Variants in SPECC1 observed in about 807,000 individuals in gnomAD.
The protein encoded by SPECC1 is sperm antigen with calponin homology and coiled-coil domains 1.
SPECC1 carries 62 observed loss-of-function variants against 104.1 expected under a neutral mutation model. The observed-to-expected ratio is 0.60, with a 90% confidence interval of 0.49 to 0.74. The LOEUF is 0.74. Among genes scored for constraint, SPECC1 ranks in the 30% least tolerant of loss-of-function variants. The pLI is 0.00. For missense variants in SPECC1, 1,306 were observed against 1,310.5 expected (o/e 1.00, Z 0.05); for synonymous variants, 513 against 501.6 (o/e 1.02, Z -0.30).
intron 10 of SPECC1, among the ~76,000 whole-genome samples, chr17:20,256,936 A>G (rs1165770125): frequency 6.6e-6 from 1 of 152,216 alleles, no homozygotes; most frequent in Non-Finnish European, 1.5e-5. Context: ...GACAGCAGAA[A>G]GGAGCCTTGA....
At chr17:20,064,405 G>A (rs188355828) in intron 1 of SPECC1, among the ~76,000 whole-genome samples, 88 of 152,322 alleles carry the variant, frequency 5.8e-4, no homozygotes, top group African/African-American at 2.0e-3. Context: ...GGAATCAAAA[G>A]GGTAACTGCT....
intron 12 of SPECC1, among the ~76,000 whole-genome samples, chr17:20,288,904 C>A (rs1160738285): frequency 6.6e-6 from 1 of 151,732 alleles, no homozygotes; most frequent in Non-Finnish European, 1.5e-5. Flanking sequence ...CCTGCCTCAG[C>A]CTCCTGAGTA....
chr17:20,070,208 G>A (rs908372952), intron 1 of SPECC1, among the ~76,000 whole-genome samples: 6 of 152,172 alleles, frequency 3.9e-5, no homozygotes, highest in Admixed American at 2.6e-4. Context: ...TTAGGAGAAA[G>A]CTATCAGATT....
At chr17:20,304,803 G>C (rs1277972231) in intron 13 of SPECC1, among the ~76,000 whole-genome samples, 1 of 152,126 alleles carries the variant, frequency 6.6e-6, no homozygotes. Context: ...ATGAGAAACT[G>C]TGCGAGGAAG....
intron 10 of SPECC1, among the ~76,000 whole-genome samples, chr17:20,257,168 G>C (rs2039863208): frequency 6.6e-6 from 1 of 152,156 alleles, no homozygotes; most frequent in African/African-American, 2.4e-5. Flanking sequence ...ACTTGCACAA[G>C]GCCCTTAGAA....
At chr17:20,028,977 A>T (rs547824674) in intron 1 of SPECC1, among the ~76,000 whole-genome samples, 1 of 152,186 alleles carries the variant, frequency 6.6e-6, no homozygotes, top group African/African-American at 2.4e-5. Context: ...GGTCAGGCTG[A>T]TCTCGAGCTC....
At chr17:20,163,456 CAAAA>C (rs548009339) in intron 3 of SPECC1, among the ~76,000 whole-genome samples, 50 of 151,690 alleles carry the variant, frequency 3.3e-4, no homozygotes, top group African/African-American at 1.2e-3. Flanking sequence ...TAAAGTCTGA[CAAAA>C]AAATCCAGTT....
At chr17:20,180,215 A>G (rs1419283240) in intron 3 of SPECC1, among the ~76,000 whole-genome samples, 1 of 152,226 alleles carries the variant, frequency 6.6e-6, no homozygotes, top group African/African-American at 2.4e-5. Flanking sequence ...AAAAGCGAGG[A>G]GAGGAAAAAG....
chr17:20,098,409 T>TG (rs2047756438), intron 2 of SPECC1, among the ~76,000 whole-genome samples: 1 of 152,190 alleles, frequency 6.6e-6, no homozygotes, highest in African/African-American at 2.4e-5. Context: ...CCCCCACCCT[T>TG]CTGTGCCCTA....
chr17:20,198,722 G>T (rs1013892645), intron 3 of SPECC1, among the ~76,000 whole-genome samples: 1 of 152,116 alleles, frequency 6.6e-6, no homozygotes, highest in African/African-American at 2.4e-5. Context: ...ATTAAGAGGG[G>T]CACTTTGTCC....
chr17:20,069,100 G>T lies in SPECC1; in HGVS notation c.-21-27531G>T, dbSNP rs922220042. Among the ~76,000 whole-genome samples the T allele has an allele frequency of 1.9e-4, 29 of 152,236 alleles. No homozygotes were observed. The East Asian group carries it at 2.9e-3, about 15-fold the overall frequency. On this transcript the variant is annotated intron_variant, in intron 1 of 14. Transcript: ENST00000395527. ...CCAGTACCCAACAGTTACCTTTTCT[G>T]CTCCCTCCTCCAAGCCTCCACCCTC...
intron 3 of SPECC1, among the ~76,000 whole-genome samples, chr17:20,133,292 C>T (rs1038412408): frequency 2.0e-5 from 3 of 151,868 alleles, no homozygotes; most frequent in African/African-American, 7.3e-5. Context: ...CAGAGCTAGT[C>T]TTACCCATCT....
At chr17:20,084,869 C>T (rs1411030289) in intron 1 of SPECC1, among the ~76,000 whole-genome samples, 4 of 149,750 alleles carry the variant, frequency 2.7e-5, no homozygotes, top group African/African-American at 9.9e-5. Flanking sequence ...ACCATCTGGG[C>T]AAGGGAGGTG....
intron 3 of SPECC1, among the ~76,000 whole-genome samples, chr17:20,123,319 A>G (rs1261224682): frequency 6.6e-6 from 1 of 152,262 alleles, no homozygotes; most frequent in Admixed American, 6.5e-5. Context: ...GTGAAGGGCT[A>G]GTTTTACTGT....
chr17:20,306,270 C>A (rs556888197), intron 14 of SPECC1, 188 bp downstream of exon 14: 3 of 521,060 alleles, frequency 5.8e-6, no homozygotes, highest in Non-Finnish European at 1.0e-5. Context: ...GATTTTCAAT[C>A]GCATAAGATT....
intron 7 of SPECC1, chr17:20,238,501 G>A (rs2039042031): frequency 5.8e-6 from 6 of 1,041,886 alleles, no homozygotes; most frequent in Non-Finnish European, 4.6e-6. Context: ...AAAAGTTACT[G>A]TCTAATAAAA....
Position 20,292,867 on chromosome 17 carries a change from G to A in SPECC1, c.2941-4094G>A, listed in dbSNP as rs559579325. ...GATGAAGAGACGTTATTATGGTTGT[G>A]TGTTGCTTTCAGCTAGATACTCCTC... On this transcript the variant is annotated intron_variant, in intron 12 of 14. Coordinates refer to ENST00000395527, the MANE Select transcript of SPECC1 (RefSeq NM_001243439.2). Among the ~76,000 whole-genome samples the A allele has an allele frequency of 2.6e-5, 4 of 152,338 alleles. No homozygotes were observed. In the East Asian group the frequency reaches 5.8e-4, roughly 22 times the overall value.
intron 3 of SPECC1, among the ~76,000 whole-genome samples, chr17:20,161,754 A>G (rs1477495485): frequency 2.0e-5 from 3 of 150,022 alleles, no homozygotes; most frequent in African/African-American, 7.3e-5. Flanking sequence ...ACAAGAAGCT[A>G]GTCTGCCTTT....
At chr17:20,272,414 T>G (rs2040439422) in intron 12 of SPECC1, among the ~76,000 whole-genome samples, 1 of 152,270 alleles carries the variant, frequency 6.6e-6, no homozygotes, top group South Asian at 2.1e-4. Flanking sequence ...TTTACCATCT[T>G]AACTATTTTT....
Sources: allele counts gnomAD v4.1 joint callset (sites outside exome capture counted in the v4.1 genomes callset), GRCh38; gene constraint gnomAD v4.1.1; transcripts MANE v1.5; gene names NCBI Gene and HGNC (gene_info 2026-07-23, HGNC 2026-07-21).